TSC1: variants seen among roughly 807,000 people sequenced by gnomAD.
TSC1 encodes the protein hamartin.
A neutral mutation model predicts 124.3 loss-of-function variants in TSC1; 20 were observed. The observed-to-expected ratio is 0.16, with a 90% CI of 0.11 to 0.23. The LOEUF (loss-of-function observed/expected upper bound fraction) is 0.23, where lower values mean the gene tolerates loss of function less well. TSC1 is among the 10% of genes least tolerant of loss of function. The probability of loss-of-function intolerance (pLI) is 1.00; values close to 1 mark genes in which losing one functional copy is unlikely to be tolerated. For missense variants in TSC1, 1,124 were observed against 1,448.5 expected, an observed-to-expected ratio of 0.78 and a Z score of 3.64; for synonymous variants, 493 against 539.1, an observed-to-expected ratio of 0.91 and a Z score of 1.19.
rs551506562 is a variant in TSC1 at position 132,917,274 on chromosome 9, T to G, written c.737+4089A>C. 1.9e-4 allele frequency among the ~76,000 whole-genome samples: 29 copies of G among 152,200 alleles called. 1 individual carries two copies. Among genetic ancestry groups the G allele is most frequent in the African/African-American group, 6.7e-4 (28 of 41,536 alleles). ...TCTGGAAACTCATATCCTTCAATCCTAGGATTTTTTTTTTGTTGTATTATT... is the reference window on the plus strand; with the variant it reads ...TCTGGAAACTCATATCCTTCAATCCGAGGATTTTTTTTTTGTTGTATTATT... On this transcript the variant is annotated intron_variant, in intron 8 of 22. Transcript: ENST00000298552.
chr9:132,905,522 T>C, intron 15 of TSC1, 59 bp downstream of exon 15: 5 of 1,608,858 alleles, frequency 3.1e-6, no homozygotes, highest in Non-Finnish European at 4.2e-6. Flanking sequence ...TCTTACACTT[T>C]CTGTACTTCA....
In TSC1 at chr9:132,897,194, C is replaced by A. The variant is rs537585211; in HGVS notation, c.2965G>T (p.Ala989Ser). The change falls in exon 22 of 23, where the codon GCA becomes TCA. Residue 989 changes from alanine (A) to serine (S), a missense_variant. Coordinates refer to ENST00000298552, the MANE Select transcript of TSC1 (RefSeq NM_000368.5). Reference sequence around the variant, plus strand: ...GTTCTTTGTTCCTACCTTTCTTCTGCTGCTTCAGCTGCTTCTGCTTTTTCT... The same window carrying A: ...GTTCTTTGTTCCTACCTTTCTTCTGATGCTTCAGCTGCTTCTGCTTTTTCT... ...EEEKAEAAEAAEERLDCCNDG... is the reference protein window; with the variant it reads ...EEEKAEAAEASEERLDCCNDG... 1.2e-5 allele frequency: 19 copies of A among 1,614,202 alleles called. No individual in the cohort carries two copies. In the African/African-American group the frequency reaches 2.1e-4, roughly 18 times the overall value.
rs1845487512 is a variant in TSC1 at position 132,903,522 on chromosome 9, G to A, written c.2208+129C>T. 1 of 1,347,930 alleles carries A rather than the reference G, an allele frequency of 7.4e-7. No individual in the cohort carries two copies. Among genetic ancestry groups the A allele is most frequent in the Non-Finnish European group, 1.0e-6 (1 of 952,726 alleles). The allele number at this position is 1,347,930 out of a possible 1,614,324, so 83.5% of individuals were successfully genotyped here. Reference sequence around the variant, plus strand: ...GTCACCATTCATGTCTTAATCTCAAGCGACCTGCCCAAAGGAGTGGGAAGG... The same window carrying A: ...GTCACCATTCATGTCTTAATCTCAAACGACCTGCCCAAAGGAGTGGGAAGG... On this transcript the variant is annotated intron_variant, in intron 17 of 22. Coordinates refer to ENST00000298552, the MANE Select transcript of TSC1 (RefSeq NM_000368.5). The surrounding 1 kb of genome is among the most constrained non-coding windows in gnomAD (Gnocchi z 5.9).
intron 19 of TSC1, 90 bp downstream of exon 19, chr9:132,901,499 C>T (rs1298091640): frequency 8.3e-7 from 1 of 1,209,844 alleles, no homozygotes; most frequent in Non-Finnish European, 1.2e-6. Flanking sequence ...GACACAGACA[C>T]TCAAGTAATC....
Position 132,910,134 on chromosome 9 carries a change from A to AT in TSC1, c.1263+436_1263+437insA. ...GGCAACATAGTGAGACCTCATCTCC[A>AT]CCAAAAAAAAAAAAAACTTAGCCAG... is the stretch of plus-strand genomic sequence containing the variant. On this transcript the variant is annotated intron_variant, in intron 12 of 22. Transcript: ENST00000298552. The AT allele has an allele frequency of 2.7e-5, 7 of 257,974 alleles. No homozygotes were observed. The South Asian group carries it at 4.6e-4, about 17-fold the overall frequency. 16.0% of individuals were successfully genotyped at this position (257,974 alleles called of 1,614,324 possible).
At chr9:132,898,439 T>A (rs907261785) in intron 20 of TSC1, among the ~76,000 whole-genome samples, 1 of 152,208 alleles carries the variant, frequency 6.6e-6, no homozygotes, top group African/African-American at 2.4e-5. Context: ...TTAAAAAAGA[T>A]AATAAACCAT....
chr9:132,918,263 G>A (rs1846368459), intron 8 of TSC1, among the ~76,000 whole-genome samples: 1 of 152,200 alleles, frequency 6.6e-6, no homozygotes, highest in South Asian at 2.1e-4. Flanking sequence ...CACAAAAGCA[G>A]AATCCTAAGC....
At position 132,894,976 on chromosome 9, in the gene TSC1, CATCTCTCGGGA is replaced by C. The variant is rs1844957558; in HGVS notation, c.*1248_*1258del. Reference sequence around the variant, plus strand: ...CCACTGCCAATTTTCTGACTAGTGTCATCTCTCGGGAGCACGTGGGGCAGCCTAGTGGGTAT... The same window carrying C: ...CCACTGCCAATTTTCTGACTAGTGTCGCACGTGGGGCAGCCTAGTGGGTAT... On this transcript the variant is annotated 3_prime_UTR_variant, in exon 23 of 23. Coordinates refer to ENST00000298552, the MANE Select transcript of TSC1 (RefSeq NM_000368.5). 1 of 232,068 alleles carries C rather than the reference CATCTCTCGGGA, an allele frequency of 4.3e-6. No individual in the cohort carries two copies. Among genetic ancestry groups the C allele is most frequent in the Non-Finnish European group, 8.5e-6 (1 of 117,290 alleles). The allele number at this position is 232,068 out of a possible 1,614,324, so 14.4% of individuals were successfully genotyped here. A position where few individuals can be genotyped will look rare whatever the true frequency, so the allele number is the denominator to read the frequency against.
chr9:132,927,230 G>A lies in TSC1; in HGVS notation c.181C>T (p.Leu61=), dbSNP rs752047592. Residue 61 remains leucine (L), a synonymous_variant, in exon 4 of 23, where the codon CTG becomes TTG. Coordinates refer to ENST00000298552, the MANE Select transcript of TSC1 (RefSeq NM_000368.5). Reference sequence around the variant, plus strand: ...TCATGTGGCTCTTGCAAGGTGGTCAGGATGTGCAATGCCGGCTGAGAGCTG... The same window carrying A: ...TCATGTGGCTCTTGCAAGGTGGTCAAGATGTGCAATGCCGGCTGAGAGCTG... ...ETSSQPALHI[L]TTLQEPHDKH... is the part of the protein sequence containing the mutation. 1.9e-6 allele frequency: 3 copies of A among 1,614,044 alleles called. No homozygotes were observed. The Admixed American group carries it at 5.0e-5, about 27-fold the overall frequency.
chr9:132,901,722 G>A (rs1475158712), intron 18 of TSC1, 23 bp from the exon 19 acceptor site: 18 of 1,610,154 alleles, frequency 1.1e-5, no homozygotes, highest in Non-Finnish European at 1.3e-5. Flanking sequence ...ACGTGGACAT[G>A]AAGTTTGAGG....
Position 132,891,735 on chromosome 9 carries a change from G to T in TSC1, c.*4500C>A, listed in dbSNP as rs1167730401. 2 of 233,568 alleles carry T rather than the reference G, an allele frequency of 8.6e-6. No homozygotes were observed. Among genetic ancestry groups the T allele is most frequent in the Non-Finnish European group, 1.7e-5 (2 of 118,056 alleles). 14.5% of individuals were successfully genotyped at this position (233,568 alleles called of 1,614,324 possible). ...TCTGTTCCTCCGTAATATATTTGTG[G>T]TCCATAGAAGTCTTCTGAAAAGTGA... On this transcript the variant is annotated 3_prime_UTR_variant, in exon 23 of 23. Transcript: ENST00000298552.
chr9:132,907,592 C>T (rs757083475), intron 12 of TSC1, among the ~76,000 whole-genome samples: 3 of 152,090 alleles, frequency 2.0e-5, no homozygotes, highest in Non-Finnish European at 4.4e-5. Context: ...TGGGTTCAAG[C>T]GATTCTCCTG....
intron 8 of TSC1, chr9:132,912,941 CT>C (rs574327483): frequency 6.5e-3 from 1,008 of 155,280 alleles, no homozygotes; most frequent in South Asian, 0.02. Flanking sequence ...GAATTTTTTT[CT>C]TTTTTTTTTT....
chr9:132,916,219 C>T (rs544836647), intron 8 of TSC1, among the ~76,000 whole-genome samples: 1 of 152,126 alleles, frequency 6.6e-6, no homozygotes, highest in African/African-American at 2.4e-5. Flanking sequence ...GTACAGCACA[C>T]ATCTAACGGC....
In TSC1 at chr9:132,904,508, G is replaced by GT. The variant is rs933503262; in HGVS notation, c.1998-55dup. On this transcript the variant is annotated intron_variant, in intron 15 of 22. Coordinates refer to ENST00000298552, the MANE Select transcript of TSC1 (RefSeq NM_000368.5). ...TTACCGATCTTACCAAGAAAAAAAC[G>GT]TATCTGGACTTTTATTTGCAGCAAA... 5.8e-6 allele frequency: 9 copies of GT among 1,560,158 alleles called. No individual in the cohort carries two copies. In the African/African-American group the frequency reaches 1.2e-4, roughly 21 times the overall value.
chr9:132,897,255 C>T lies in TSC1; in HGVS notation c.2904G>A (p.Arg968=), dbSNP rs1554813280. 4 of 1,614,216 alleles carry T rather than the reference C, an allele frequency of 2.5e-6. No individual in the cohort carries two copies. Among genetic ancestry groups the T allele is most frequent in the East Asian group, 2.2e-5 (1 of 44,890 alleles). The change falls in exon 22 of 23, where the codon AGG becomes AGA. Residue 968 remains arginine (R), a synonymous_variant. Transcript: ENST00000298552. The part of the protein sequence containing the change: ...FELEILDLYG[R]LEKDGLLKKL... ...TTTTCAGGAGGCCATCTTTCTCCAA[C>T]CTGCCATATAAATCTAAGATCTCCA...
rs2131965075 is a variant in TSC1, at chr9:132,911,111, A to G, written c.1032T>C (p.Ala344=). ...AAACCATAGATGGGCTCCAAAGAGT[A>G]GCCTGGGAAGTTAATAAAGTACATC... The part of the protein sequence containing the change: ...STRLITEPPQ[A]TLWSPSMVCG... The change falls in exon 11 of 23, where the codon GCT becomes GCC. Residue 344 remains alanine (A), a splice_region_variant and synonymous_variant. Coordinates refer to ENST00000298552, the MANE Select transcript of TSC1 (RefSeq NM_000368.5). 3 of 1,612,918 alleles carry G rather than the reference A, an allele frequency of 1.9e-6. No individual in the cohort carries two copies. The highest frequency in any genetic ancestry group is 2.5e-6 in the Non-Finnish European group (3 of 1,178,874).
chr9:132,930,788 T>C (rs1459386323), intron 2 of TSC1, among the ~76,000 whole-genome samples: 1 of 152,132 alleles, frequency 6.6e-6, no homozygotes, highest in Admixed American at 6.5e-5. Flanking sequence ...TCAATTAAAA[T>C]GTCTAAATGC....
At chr9:132,897,025 T>C (rs1393753890) in intron 22 of TSC1, among the ~76,000 whole-genome samples, 159 bp downstream of exon 22, 2 of 152,202 alleles carry the variant, frequency 1.3e-5, no homozygotes, top group Non-Finnish European at 2.9e-5. Context: ...ACTGGGCGTT[T>C]TGAGGAAAGG....
Sources: allele counts gnomAD v4.1 joint callset (sites outside exome capture counted in the v4.1 genomes callset), GRCh38; gene constraint gnomAD v4.1.1; non-coding constraint Gnocchi (gnomAD v3.1); transcripts MANE v1.5; gene names NCBI Gene and HGNC (gene_info 2026-07-23, HGNC 2026-07-21).